Variants in CHSY3 observed in about 807,000 individuals in gnomAD.
CHSY3 encodes the protein chondroitin sulfate synthase 3, also known as N-acetylgalactosaminyl-proteoglycan 3-beta-glucuronosyltransferase 3.
CHSY3 carries 35 observed loss-of-function variants against 67.2 expected under a neutral mutation model. The observed-to-expected ratio is 0.52, with a 90% CI of 0.40 to 0.69. The LOEUF (loss-of-function observed/expected upper bound fraction) is 0.69. CHSY3 is among the 30% of genes least tolerant of loss of function. The pLI, the probability that CHSY3 is intolerant of heterozygous loss-of-function variation, is 0.00. For synonymous variants in CHSY3, 474 were observed against 434.7 expected (o/e 1.09, Z -1.12); for missense variants, 1,069 against 1,138.5 (o/e 0.94, Z 0.88).
At chr5:129,994,058 A>T (rs145504406) in intron 2 of CHSY3, among the ~76,000 whole-genome samples, 2 of 152,090 alleles carry the variant, frequency 1.3e-5, no homozygotes, top group Non-Finnish European at 2.9e-5. Flanking sequence ...CTTCTGGCTT[A>T]TAGAGTTTCT....
At chr5:130,173,202 A>G (rs1427763258) in intron 2 of CHSY3, among the ~76,000 whole-genome samples, 3 of 152,174 alleles carry the variant, frequency 2.0e-5, no homozygotes, top group African/African-American at 7.2e-5. Flanking sequence ...CAACACTGCT[A>G]CTAATACATT....
chr5:130,143,734 G>GTGTATATATATATATATATATATA (rs1223966105), intron 2 of CHSY3, among the ~76,000 whole-genome samples: 6 of 94,656 alleles, frequency 6.3e-5, no homozygotes, highest in Non-Finnish European at 8.0e-5. Context: ...GTGTGTGTGT[G>GTGTATATATATATATATATATATA]TATATATATA....
At chr5:129,993,419 A>G (rs1339747139) in intron 2 of CHSY3, among the ~76,000 whole-genome samples, 1 of 152,096 alleles carries the variant, frequency 6.6e-6, no homozygotes, top group Non-Finnish European at 1.5e-5. Context: ...TATATTTAGG[A>G]TAGTTAGCTC....
intron 2 of CHSY3, among the ~76,000 whole-genome samples, chr5:130,129,381 C>T (rs1444327817): frequency 6.6e-6 from 1 of 152,084 alleles, no homozygotes; most frequent in Non-Finnish European, 1.5e-5. Context: ...ACTAGTTGCA[C>T]ATATGTAAGG....
chr5:130,180,180 A>C (rs1389223765), intron 2 of CHSY3, among the ~76,000 whole-genome samples: 2 of 151,988 alleles, frequency 1.3e-5, no homozygotes, highest in Admixed American at 1.3e-4. Flanking sequence ...TTAGCCTCTC[A>C]TTTCCCCCTG....
chr5:129,935,251 C>A (rs1204731532), intron 2 of CHSY3, among the ~76,000 whole-genome samples: 1 of 152,154 alleles, frequency 6.6e-6, no homozygotes, highest in East Asian at 1.9e-4. Flanking sequence ...TTCTTTGTTA[C>A]GTATCATCTT....
chr5:129,969,408 A>G (rs1259255155), intron 2 of CHSY3, among the ~76,000 whole-genome samples: 1 of 151,876 alleles, frequency 6.6e-6, no homozygotes, highest in South Asian at 2.1e-4. Context: ...ATCATGTTTT[A>G]TGATGCATAT....
chr5:129,984,557 G>T (rs1161597707), intron 2 of CHSY3, among the ~76,000 whole-genome samples: 1 of 152,006 alleles, frequency 6.6e-6, no homozygotes, highest in Non-Finnish European at 1.5e-5. Flanking sequence ...GGGATTGCAG[G>T]GTCAAATGTT....
At chr5:130,093,854 ATAATGGTGATCAGAACAGATTT>A (rs1288628903) in intron 2 of CHSY3, among the ~76,000 whole-genome samples, 1 of 152,166 alleles carries the variant, frequency 6.6e-6, no homozygotes, top group African/African-American at 2.4e-5. Flanking sequence ...AAAAGTCCAT[ATAATGGTGATCAGAACAGATTT>A]TAATTTTTTT....
At chr5:130,002,279 A>G (rs977634984) in intron 2 of CHSY3, 4 of 153,074 alleles carry the variant, frequency 2.6e-5, no homozygotes, top group African/African-American at 9.7e-5. Flanking sequence ...GCTGCCTCGG[A>G]TCCTCCCATC....
In CHSY3 at chr5:130,176,334, A is replaced by G. The variant is rs545263174; in HGVS notation, c.1087-7895A>G. ...CTCACGTCAGTTAGAATGGTGATCA[A>G]TAAAAAGTCAGGAAACAACAGAGGC... On this transcript the variant is annotated intron_variant, in intron 2 of 2. Transcript: ENST00000305031. Among the ~76,000 whole-genome samples, 4 of 152,272 alleles carry G rather than the reference A, an allele frequency of 2.6e-5. No individual in the cohort carries two copies. The South Asian group carries it at 6.2e-4, about 24-fold the overall frequency.
At chr5:130,009,627 A>G (rs1763988978) in intron 2 of CHSY3, among the ~76,000 whole-genome samples, 1 of 152,198 alleles carries the variant, frequency 6.6e-6, no homozygotes, top group East Asian at 1.9e-4. Flanking sequence ...ACAGGATCAA[A>G]TACACATATA....
At chr5:130,102,994 A>G (rs998455865) in intron 2 of CHSY3, among the ~76,000 whole-genome samples, 1 of 152,028 alleles carries the variant, frequency 6.6e-6, no homozygotes, top group African/African-American at 2.4e-5. Flanking sequence ...TTGCCTAACA[A>G]CAAAATAAAA....
At chr5:130,135,841 G>A (rs1768643403) in intron 2 of CHSY3, among the ~76,000 whole-genome samples, 1 of 152,068 alleles carries the variant, frequency 6.6e-6, no homozygotes, top group Admixed American at 6.6e-5. Flanking sequence ...AGTCTCAAAA[G>A]AAATAAGTAA....
At chr5:129,907,045 G>C (rs1275918289) in intron 1 of CHSY3, among the ~76,000 whole-genome samples, 4 of 152,158 alleles carry the variant, frequency 2.6e-5, no homozygotes, top group East Asian at 3.8e-4. Context: ...ATTTAGGATT[G>C]ACTCAAAGAA....
At chr5:130,062,075 A>G (rs560885732) in intron 2 of CHSY3, among the ~76,000 whole-genome samples, 2 of 152,224 alleles carry the variant, frequency 1.3e-5, no homozygotes, top group South Asian at 4.1e-4. Context: ...AAATCATTCT[A>G]TCAAAAAGAC....
chr5:130,140,581 G>A (rs1580774309), intron 2 of CHSY3: 1 of 494,366 alleles, frequency 2.0e-6, no homozygotes, highest in Non-Finnish European at 3.5e-6. Flanking sequence ...TAGACAAAAA[G>A]GTTGGAGCTG....
chr5:130,011,869 C>T (rs1764071711), intron 2 of CHSY3, among the ~76,000 whole-genome samples: 1 of 152,036 alleles, frequency 6.6e-6, no homozygotes, highest in Non-Finnish European at 1.5e-5. Flanking sequence ...ACAATAGCCA[C>T]AAAAAGAAGA....
chr5:129,972,604 T>C (rs2149614848), intron 2 of CHSY3, among the ~76,000 whole-genome samples: 1 of 150,882 alleles, frequency 6.6e-6, no homozygotes, highest in East Asian at 1.9e-4. Context: ...ATCTCTGCAG[T>C]GTGTGTGTGT....
Sources: gnomAD v4.1 joint callset for allele counts (sites outside exome capture counted in the v4.1 genomes callset) on GRCh38, gnomAD v4.1.1 for gene constraint, MANE v1.5 for transcripts, NCBI Gene and HGNC (gene_info 2026-07-23, HGNC 2026-07-21) for gene names.